Variants in EPHA5 observed in about 807,000 individuals in gnomAD.
EPHA5 encodes ephrin type-A receptor 5.
In EPHA5, 60 loss-of-function variants were observed where a neutral mutation model predicts 105.0. The ratio of observed to expected loss-of-function variants is 0.57; its 90% CI spans 0.46 to 0.71. The LOEUF (loss-of-function observed/expected upper bound fraction) is 0.71, where lower values mean the gene tolerates loss of function less well. Among genes scored for constraint, EPHA5 ranks in the 30% least tolerant of loss-of-function variants. EPHA5 has a pLI of 0.00. For missense variants in EPHA5, 1,218 were observed against 1,274.7 expected, an observed-to-expected ratio of 0.96 and a Z score of 0.68; for synonymous variants, 513 against 449.1, an observed-to-expected ratio of 1.14 and a Z score of -1.80.
chr4:65,602,906 T>C (rs566443007), intron 2 of EPHA5, among the ~76,000 whole-genome samples: 38 of 152,150 alleles, frequency 2.5e-4, no homozygotes, highest in Non-Finnish European at 4.3e-4. Context: ...TGAACCCATC[T>C]ATTCAGGACT....
chr4:65,551,198 G>A (rs1488381436), intron 3 of EPHA5, among the ~76,000 whole-genome samples: 2 of 149,714 alleles, frequency 1.3e-5, no homozygotes, highest in Non-Finnish European at 3.0e-5. Context: ...TAAATGATAT[G>A]TTCATGCCAT....
At chr4:65,370,766 G>A (rs987658208) in intron 8 of EPHA5, among the ~76,000 whole-genome samples, 8 of 152,098 alleles carry the variant, frequency 5.3e-5, no homozygotes, top group African/African-American at 1.4e-4. Flanking sequence ...ATTGAAAGGA[G>A]TTATTTTTGA....
intron 16 of EPHA5, among the ~76,000 whole-genome samples, chr4:65,330,000 C>T (rs555400070): frequency 4.3e-4 from 65 of 151,344 alleles, no homozygotes; most frequent in Non-Finnish European, 8.4e-4. Flanking sequence ...TTTAAAGGGC[C>T]TGGAGTTGCC....
At chr4:65,575,733 AG>A (rs1195634494) in intron 3 of EPHA5, among the ~76,000 whole-genome samples, 14 of 152,018 alleles carry the variant, frequency 9.2e-5, no homozygotes, top group African/African-American at 2.2e-4. Flanking sequence ...GCATTTTGGG[AG>A]GCCAAGGCAG....
At position 65,602,139 on chromosome 4, in the gene EPHA5, T is replaced by G; in HGVS notation, c.412A>C (p.Asn138His). The G allele has an allele frequency of 6.2e-7, 1 of 1,614,164 alleles. No individual in the cohort carries two copies. The highest frequency in any genetic ancestry group is 8.5e-7 in the Non-Finnish European group (1 of 1,180,024). The stretch of plus-strand genomic sequence containing the variant: ...GTCCCCAGTCCTCCAGGAAGGCTGT[T>G]GCAGTCCCGCAGGGTAAATTTGAGT... ...IELKFTLRDC[N>H]SLPGGLGTCK... The change falls in exon 3 of 17, where the codon AAC becomes CAC. Residue 138 changes from asparagine to histidine, a missense_variant. Coordinates refer to ENST00000613740, the MANE Select transcript of EPHA5 (RefSeq NM_001281766.3).
chr4:65,357,426 A>AT (rs977198774), intron 11 of EPHA5, among the ~76,000 whole-genome samples: 40 of 151,610 alleles, frequency 2.6e-4, no homozygotes, highest in African/African-American at 8.7e-4. Flanking sequence ...ACAAATATTC[A>AT]TTTTTTTGTG....
chr4:65,613,630 A>G (rs1175952159), intron 2 of EPHA5, among the ~76,000 whole-genome samples: 1 of 151,888 alleles, frequency 6.6e-6, no homozygotes, highest in Non-Finnish European at 1.5e-5. Context: ...GTGCTTCTCT[A>G]TTTGAGATAG....
intron 3 of EPHA5, among the ~76,000 whole-genome samples, chr4:65,597,178 A>T (rs2149428570): frequency 6.6e-6 from 1 of 152,252 alleles, no homozygotes; most frequent in East Asian, 1.9e-4. Context: ...CTTCACTCTG[A>T]CTGGTTTTGG....
intron 7 of EPHA5, among the ~76,000 whole-genome samples, chr4:65,408,716 A>G (rs1482391153): frequency 6.6e-6 from 1 of 152,030 alleles, no homozygotes; most frequent in East Asian, 1.9e-4. Context: ...ATGTGGAGAA[A>G]TAGGAACACT....
At chr4:65,463,403 G>A (rs1728308075) in intron 5 of EPHA5, among the ~76,000 whole-genome samples, 1 of 152,140 alleles carries the variant, frequency 6.6e-6, no homozygotes. Context: ...TACTTAAAAT[G>A]TTCCAGTCAT....
intron 3 of EPHA5, among the ~76,000 whole-genome samples, chr4:65,559,680 A>G (rs1308215057): frequency 6.6e-6 from 1 of 152,150 alleles, no homozygotes; most frequent in Admixed American, 6.6e-5. Context: ...GAAAATCCCT[A>G]TGGGTCTATG....
intron 3 of EPHA5, among the ~76,000 whole-genome samples, chr4:65,536,029 C>A (rs951361943): frequency 3.1e-4 from 47 of 151,802 alleles, no homozygotes; most frequent in Admixed American, 1.6e-3. Flanking sequence ...TTTAAAAGTA[C>A]TAATATGAAG....
chr4:65,545,727 C>A (rs1430393384), intron 3 of EPHA5, among the ~76,000 whole-genome samples: 1 of 151,814 alleles, frequency 6.6e-6, no homozygotes, highest in African/African-American at 2.4e-5. Flanking sequence ...TTATATATGC[C>A]ACACATATAA....
intron 8 of EPHA5, among the ~76,000 whole-genome samples, chr4:65,370,553 CA>C (rs1577940625): frequency 6.6e-6 from 1 of 151,994 alleles, no homozygotes; most frequent in Non-Finnish European, 1.5e-5. Context: ...CTCCCACCTT[CA>C]AAAAAATAAA....
chr4:65,432,220 G>T (rs1465687514), intron 5 of EPHA5, among the ~76,000 whole-genome samples: 1 of 152,118 alleles, frequency 6.6e-6, no homozygotes, highest in Admixed American at 6.6e-5. Context: ...AGGAATTGAG[G>T]CAAGTGAAAA....
rs955407990 is a variant in EPHA5 at position 65,322,165 on chromosome 4, C to T, written c.*1949G>A. On this transcript the variant is annotated 3_prime_UTR_variant, in exon 17 of 17. Coordinates refer to ENST00000613740, the MANE Select transcript of EPHA5 (RefSeq NM_001281766.3). The stretch of plus-strand genomic sequence containing the variant: ...TTGTGTGGACCCATGGTATATAGCC[C>T]TTATTATTATGAGAACTGAATGTAT... 7 of 224,128 alleles carry T rather than the reference C, an allele frequency of 3.1e-5. No homozygotes were observed. The highest frequency in any genetic ancestry group is 6.7e-5 in the African/African-American group (3 of 44,794). The allele number at this position is 224,128 out of a possible 1,614,324, so 13.9% of individuals were successfully genotyped here. A position where few individuals can be genotyped will look rare whatever the true frequency, so the allele number is the denominator to read the frequency against.
intron 13 of EPHA5, 45 bp downstream of exon 13, chr4:65,351,344 A>G (rs2148853391): frequency 1.3e-6 from 2 of 1,507,986 alleles, no homozygotes; most frequent in Non-Finnish European, 1.8e-6. Context: ...TTAAAAATAA[A>G]TGGCTCTGGT....
intron 3 of EPHA5, among the ~76,000 whole-genome samples, chr4:65,582,801 G>T (rs1020977708): frequency 4.0e-5 from 6 of 151,576 alleles, no homozygotes; most frequent in Admixed American, 3.3e-4. Flanking sequence ...AGTCTGCAAA[G>T]GTATAAAATA....
chr4:65,523,180 A>C (rs999605280), intron 3 of EPHA5, among the ~76,000 whole-genome samples: 1 of 151,982 alleles, frequency 6.6e-6, no homozygotes, highest in Non-Finnish European at 1.5e-5. Flanking sequence ...ATATTTTAAC[A>C]TTTAGTTAGA....
Sources: allele counts gnomAD v4.1 joint callset (sites outside exome capture counted in the v4.1 genomes callset), GRCh38; gene constraint gnomAD v4.1.1; transcripts MANE v1.5; gene names NCBI Gene and HGNC (gene_info 2026-07-23, HGNC 2026-07-21).